Variants in MCM8 observed in about 807,000 individuals in gnomAD.
MCM8 encodes minichromosome maintenance 8 homologous recombination repair factor, also known as DNA helicase MCM8.
MCM8 carries 85 observed loss-of-function variants against 98.9 expected under a neutral mutation model. That is an observed-to-expected ratio of 0.86 (90% CI 0.72 to 1.03). MCM8 has a LOEUF of 1.03. Among genes scored for constraint, MCM8 ranks in the 50% least tolerant of loss-of-function variants. The pLI is 0.00. For synonymous variants in MCM8, 352 were observed against 338.6 expected (o/e 1.04, Z -0.44); for missense variants, 951 against 997.8 (o/e 0.95, Z 0.63).
intron 12 of MCM8, among the ~76,000 whole-genome samples, chr20:5,975,300 G>A (rs1407958724): frequency 1.3e-5 from 2 of 151,684 alleles, no homozygotes; most frequent in Non-Finnish European, 2.9e-5. Flanking sequence ...AGAATATGTA[G>A]GAAAAGATGC....
chr20:5,982,866 G>A (rs1229310714), intron 13 of MCM8, 104 bp from the exon 14 acceptor site: 3 of 973,658 alleles, frequency 3.1e-6, no homozygotes, highest in East Asian at 2.6e-5. Flanking sequence ...TTTAACTGCT[G>A]AAACAAATGG....
intron 17 of MCM8, among the ~76,000 whole-genome samples, chr20:5,988,089 T>A (rs1006136861): frequency 7.9e-5 from 12 of 152,126 alleles, no homozygotes; most frequent in African/African-American, 2.9e-4. Flanking sequence ...TAATATTATT[T>A]TGGGTAGTTT....
chr20:5,981,444 G>A (rs941653523), intron 13 of MCM8, among the ~76,000 whole-genome samples: 4 of 152,148 alleles, frequency 2.6e-5, no homozygotes, highest in African/African-American at 9.7e-5. Context: ...CAACAGAGGG[G>A]GGTGAACTCT....
At chr20:5,972,757 A>G in intron 11 of MCM8, 2 of 1,331,978 alleles carry the variant, frequency 1.5e-6, no homozygotes, top group Non-Finnish European at 9.8e-7. Flanking sequence ...GTGACTAGAC[A>G]CTGCCAGTAT....
intron 12 of MCM8, among the ~76,000 whole-genome samples, chr20:5,975,843 T>A (rs963041532): frequency 1.3e-5 from 2 of 151,858 alleles, no homozygotes; most frequent in African/African-American, 2.4e-5. Flanking sequence ...TGTTCTAAAA[T>A]GTGTCCAGTG....
intron 17 of MCM8, among the ~76,000 whole-genome samples, chr20:5,989,045 C>T (rs914095362): frequency 1.3e-5 from 2 of 150,718 alleles, no homozygotes; most frequent in African/African-American, 4.9e-5. Context: ...CAGTGATGCT[C>T]AATAAAGTGA....
chr20:5,974,627 G>T (rs2089471244), intron 12 of MCM8, among the ~76,000 whole-genome samples: 1 of 152,152 alleles, frequency 6.6e-6, no homozygotes, highest in Non-Finnish European at 1.5e-5. Flanking sequence ...ATTGAGTTAA[G>T]AGTTTCTAAG....
At chr20:5,955,049 G>A in intron 4 of MCM8, 53 bp from the exon 5 acceptor site, 1 of 1,249,370 alleles carries the variant, frequency 8.0e-7, no homozygotes, top group Non-Finnish European at 1.1e-6. Context: ...CTCAGTTAAT[G>A]GTAATTGACT....
intron 16 of MCM8, 60 bp downstream of exon 16, chr20:5,986,191 T>C: frequency 6.7e-7 from 1 of 1,483,922 alleles, no homozygotes; most frequent in Non-Finnish European, 9.4e-7. Flanking sequence ...GTGCCTTGAC[T>C]TCTCTTTTGA....
At chr20:5,993,229 T>C (rs975988294) in intron 17 of MCM8, among the ~76,000 whole-genome samples, 14 of 152,204 alleles carry the variant, frequency 9.2e-5, no homozygotes, top group Non-Finnish European at 2.1e-4. Flanking sequence ...ATGTCCCAGG[T>C]ATTTATATTG....
chr20:5,968,274 GT>G lies in MCM8; in HGVS notation c.1223+250del, dbSNP rs538955709. Among the ~76,000 whole-genome samples, 71 of 152,326 alleles carry G rather than the reference GT, an allele frequency of 4.7e-4. 1 individual carries two copies. The highest frequency in any genetic ancestry group is 3.2e-3 in the Admixed American group (49 of 15,306). ...GAAATTCAGATTTCAACTGGATATG[GT>G]GGCTCACGCCTGTAATCCCAGCACT... On this transcript the variant is annotated intron_variant, in intron 10 of 18. Transcript: ENST00000610722.
chr20:5,967,530 GTC>G lies in MCM8; in HGVS notation c.971_972del (p.Val324AlafsTer23). ...TGTTCATGATCTTGTGGATAGCTGT[GTC>G]CCGGGAGACACAGTGACTATTACTG... ...ELVHDLVDSCVPGDTVTITGI... is the reference protein window; with the variant it reads ...ELVHDLVDSCXPGDTVTITGI... On this transcript the variant is annotated frameshift_variant, in exon 9 of 19. Coordinates refer to ENST00000610722, the MANE Select transcript of MCM8 (RefSeq NM_032485.6). LOFTEE classifies it high-confidence loss of function. The G allele has an allele frequency of 1.2e-6, 2 of 1,614,010 alleles. No homozygotes were observed. Among genetic ancestry groups the G allele is most frequent in the Non-Finnish European group, 1.7e-6 (2 of 1,179,918 alleles).
chr20:5,980,072 A>G (rs1172100195), intron 13 of MCM8, among the ~76,000 whole-genome samples: 4 of 152,154 alleles, frequency 2.6e-5, no homozygotes, highest in Non-Finnish European at 5.9e-5. Flanking sequence ...CTTACCCCAG[A>G]TAGAGCTGCA....
Position 5,994,584 on chromosome 20 carries a change from AAATAT to A in MCM8, c.*198_*202del, listed in dbSNP as rs2089923659. 1.8e-6 allele frequency: 1 copy of A among 551,554 alleles called. No homozygotes were observed. The highest frequency in any genetic ancestry group is 3.1e-5 in the Admixed American group (1 of 31,852). The allele number at this position is 551,554 out of a possible 1,614,324, so 34.2% of individuals were successfully genotyped here. ...AGTATTATAATAGGAAAAAAGCATT[AAATAT>A]AATAAACTAATTTAAGAAGTGATAA... On this transcript the variant is annotated 3_prime_UTR_variant, in exon 19 of 19. Transcript: ENST00000610722.
At chr20:5,955,298 TTGCACACACA>T (rs1363657218) in intron 5 of MCM8, 47 bp downstream of exon 5, 21 of 1,555,438 alleles carry the variant, frequency 1.4e-5, no homozygotes, top group Middle Eastern at 3.4e-4. Flanking sequence ...TTTTTAATGT[TTGCACACACA>T]TGCACACCTT....
rs199767517 is a variant in MCM8 at position 5,958,727 on chromosome 20, G to A, written c.789+1G>A. On this transcript the variant is annotated splice_donor_variant, in intron 7 of 18. Coordinates refer to ENST00000610722, the MANE Select transcript of MCM8 (RefSeq NM_032485.6). LOFTEE classifies it high-confidence loss of function. ...TGGAAAATACAGTCTTCCCACAAAGGTAATACGTTCTTTAACTGCTTCTTT... is the reference window on the plus strand; with the variant it reads ...TGGAAAATACAGTCTTCCCACAAAGATAATACGTTCTTTAACTGCTTCTTT... 1 of 1,613,438 alleles carries A rather than the reference G, an allele frequency of 6.2e-7. No homozygotes were observed.
chr20:5,952,672 A>T (rs2088864917), intron 3 of MCM8, 144 bp downstream of exon 3: 1 of 716,198 alleles, frequency 1.4e-6, no homozygotes, highest in Admixed American at 3.0e-5. Context: ...AATGATGTTT[A>T]TGTTTCAAAA....
intron 13 of MCM8, among the ~76,000 whole-genome samples, chr20:5,980,107 A>G (rs192424320): frequency 6.6e-6 from 1 of 152,174 alleles, no homozygotes; most frequent in African/African-American, 2.4e-5. Flanking sequence ...TTCCCCCTTA[A>G]TGTTTTGCTG....
At chr20:5,972,387 T>G (rs552531594) in intron 11 of MCM8, among the ~76,000 whole-genome samples, 1 of 151,762 alleles carries the variant, frequency 6.6e-6, no homozygotes, top group East Asian at 1.9e-4. Context: ...TTTGTATTTT[T>G]TGTAGAGATG....
Sources: allele counts gnomAD v4.1 joint callset (sites outside exome capture counted in the v4.1 genomes callset), GRCh38; gene constraint gnomAD v4.1.1; transcripts MANE v1.5; gene names NCBI Gene and HGNC (gene_info 2026-07-23, HGNC 2026-07-21).